The following CCDC32 variants were observed in gnomAD, a reference collection of about 807,000 sequenced individuals.
CCDC32 encodes the protein coiled-coil domain containing 32.
In CCDC32, 9 loss-of-function variants were observed where a neutral mutation model predicts 20.1. That is an observed-to-expected ratio of 0.45 (90% CI 0.27 to 0.78). The LOEUF (loss-of-function observed/expected upper bound fraction) is 0.78. CCDC32 is among the 30% of genes least tolerant of loss of function. The pLI is 0.16. For missense variants in CCDC32, 204 were observed against 215.5 expected, an observed-to-expected ratio of 0.95 and a Z score of 0.33; for synonymous variants, 63 against 79.0, an observed-to-expected ratio of 0.80 and a Z score of 1.07.
At chr15:40,556,192 C>CT (rs1021804295) in intron 3 of CCDC32, among the ~76,000 whole-genome samples, 2 of 152,184 alleles carry the variant, frequency 1.3e-5, no homozygotes, top group African/African-American at 2.4e-5. Context: ...CATGCCCTCT[C>CT]TATCTTTCTG....
Position 40,557,731 on chromosome 15 carries a change from T to C in CCDC32, c.245-359A>G, listed in dbSNP as rs144755251. On this transcript the variant is annotated intron_variant, in intron 2 of 3. Coordinates refer to ENST00000416810, the MANE Select transcript of CCDC32 (RefSeq NM_001080792.4). ...TTGACATGTGTATACTACTGTCTTT[T>C]TTCAACTCCTTGAAAATAATCTCTC... 2.0e-3 allele frequency: 310 copies of C among 158,860 alleles called. 1 individual carries two copies. The highest frequency in any genetic ancestry group is 6.9e-3 in the African/African-American group (290 of 41,804). The allele number at this position is 158,860 out of a possible 1,614,324, so 9.8% of individuals were successfully genotyped here.
downstream of CCDC32, among the ~76,000 whole-genome samples, chr15:40,550,186 A>G (rs1359976813): frequency 2.0e-5 from 3 of 152,224 alleles, no homozygotes; most frequent in Non-Finnish European, 4.4e-5. Flanking sequence ...CCAAGTCATT[A>G]CGGCTTGGCC....
intron 2 of CCDC32, among the ~76,000 whole-genome samples, chr15:40,558,434 T>A (rs1445901354): frequency 2.0e-5 from 3 of 152,324 alleles, no homozygotes; most frequent in African/African-American, 7.2e-5. Flanking sequence ...TAGCATACAT[T>A]TAAGTTTTTA....
At chr15:40,564,092 T>C (rs1890859074) in intron 1 of CCDC32, among the ~76,000 whole-genome samples, 1 of 152,000 alleles carries the variant, frequency 6.6e-6, no homozygotes, top group Non-Finnish European at 1.5e-5. Flanking sequence ...AGTGCTGGGA[T>C]TACAGGCGTG....
At chr15:40,554,554 T>C (rs368059473) in intron 3 of CCDC32, among the ~76,000 whole-genome samples, 2 of 152,212 alleles carry the variant, frequency 1.3e-5, no homozygotes, top group Admixed American at 6.5e-5. Context: ...TTGCCTCTTA[T>C]AGCTGAGGCA....
chr15:40,522,680 T>A, the CCDC32 span, among the ~76,000 whole-genome samples: 34 of 152,288 alleles, frequency 2.2e-4, 1 homozygote, highest in East Asian at 6.4e-3. Flanking sequence ...TCTAGTTTAT[T>A]CTCAAACACT....
In CCDC32 at chr15:40,562,964, G is replaced by A. The variant is rs762359213; in HGVS notation, c.52C>T (p.Leu18Phe). 4.3e-6 allele frequency: 7 copies of A among 1,614,084 alleles called. No homozygotes were observed. In the African/African-American group the frequency reaches 6.7e-5, roughly 15 times the overall value. Residue 18 changes from leucine (L) to phenylalanine (F), a missense_variant, in exon 2 of 4, where the codon CTC (leucine) becomes TTC (phenylalanine). Leu to Phe is a conservative substitution (Grantham distance 22). Coordinates refer to ENST00000416810, the MANE Select transcript of CCDC32 (RefSeq NM_001080792.4). ...DSTATRSGQDLWAEICSCLPN... is the reference protein window; with the variant it reads ...DSTATRSGQDFWAEICSCLPN... Reference sequence around the variant, plus strand: ...AGACAGGAACAAATTTCAGCCCAGAGATCCTGGCCAGATCTTGTGGCTGTA... The same window carrying A: ...AGACAGGAACAAATTTCAGCCCAGAAATCCTGGCCAGATCTTGTGGCTGTA...
At chr15:40,534,769 C>T (rs1423290505), downstream of CCDC32, 1 of 648,762 alleles carries the variant, frequency 1.5e-6, no homozygotes, top group Non-Finnish European at 2.8e-6. Context: ...GGTCCACTCT[C>T]ATGACCTAAT....
At chr15:40,523,619 C>T in the CCDC32 span, among the ~76,000 whole-genome samples, 1 of 150,692 alleles carries the variant, frequency 6.6e-6, no homozygotes, top group African/African-American at 2.4e-5. Context: ...TTGTGTTGAA[C>T]AAATTTTTTG....
downstream of CCDC32, chr15:40,535,440 C>G: frequency 1.0e-6 from 1 of 997,860 alleles, no homozygotes; most frequent in Non-Finnish European, 1.2e-6. Flanking sequence ...AGCATTCTCT[C>G]ATTTGATCTA....
At chr15:40,528,459 G>A (rs1177300579), downstream of CCDC32, among the ~76,000 whole-genome samples, 1 of 152,216 alleles carries the variant, frequency 6.6e-6, no homozygotes, top group Non-Finnish European at 1.5e-5. Flanking sequence ...GACCAAGGGA[G>A]GAGTGGAGGA....
In CCDC32 at chr15:40,540,370, CT is replaced by C. The variant is rs869261368; in HGVS notation, c.402-1016del. 7.4e-3 allele frequency among the ~76,000 whole-genome samples: 612 copies of C among 82,980 alleles called. 2 individuals are homozygous for C. The highest frequency in any genetic ancestry group is 0.019 in the African/African-American group (421 of 22,294). 54.4% of individuals were successfully genotyped at this position (82,980 alleles called of 152,430 possible). A position where few individuals can be genotyped will look rare whatever the true frequency, so the allele number is the denominator to read the frequency against. ...TTAGCATTTTTTTCTTTTTCTTTTT[CT>C]TTTTTTTTTTTTTTGAGGTGGCGTC... On this transcript the variant is annotated intron_variant, in intron 3 of 3. Coordinates refer to the CCDC32 transcript ENST00000558113.
chr15:40,564,399 A>G (rs1890880973), intron 1 of CCDC32, among the ~76,000 whole-genome samples: 1 of 152,100 alleles, frequency 6.6e-6, no homozygotes, highest in African/African-American at 2.4e-5. Context: ...TGACAGGAAA[A>G]CCAGATCTGT....
At chr15:40,561,497 CA>C (rs143415563) in intron 2 of CCDC32, among the ~76,000 whole-genome samples, 8 of 144,022 alleles carry the variant, frequency 5.6e-5, no homozygotes, top group African/African-American at 1.3e-4. Flanking sequence ...AAACAACAAC[CA>C]AAAAAAAAAC....
intron 2 of CCDC32, among the ~76,000 whole-genome samples, chr15:40,561,304 A>G (rs1890609145): frequency 6.6e-6 from 1 of 151,852 alleles, no homozygotes. Context: ...GAAACTCTCT[A>G]TCTACTGAAA....
At chr15:40,535,201 T>C (rs1307360283), downstream of CCDC32, 6 of 1,389,660 alleles carry the variant, frequency 4.3e-6, no homozygotes, top group Non-Finnish European at 5.7e-6. Flanking sequence ...TGGGGGAGAA[T>C]GCAGAGGTGG....
chr15:40,556,962 T>C, intron 3 of CCDC32: 1 of 352,944 alleles, frequency 2.8e-6, no homozygotes, highest in Non-Finnish European at 5.0e-6. Context: ...AGTAACATGG[T>C]TTCCAAACCT....
downstream of CCDC32, among the ~76,000 whole-genome samples, chr15:40,548,613 ATTAC>A (rs1035792847): frequency 2.0e-5 from 3 of 152,060 alleles, no homozygotes; most frequent in African/African-American, 4.8e-5. Context: ...AATCATTTGA[ATTAC>A]TTACTTATAT....
intron 3 of CCDC32, among the ~76,000 whole-genome samples, chr15:40,545,391 A>G (rs903741296): frequency 2.6e-4 from 39 of 152,148 alleles, no homozygotes; most frequent in Non-Finnish European, 1.0e-4. Context: ...CTTTCTACTT[A>G]TCTGCTAAAG....
Sources: allele counts gnomAD v4.1 joint callset (sites outside exome capture counted in the v4.1 genomes callset), GRCh38; gene constraint gnomAD v4.1.1; transcripts MANE v1.5; gene names NCBI Gene and HGNC (gene_info 2026-07-23, HGNC 2026-07-21).